FAM107B: variants seen among roughly 807,000 people sequenced by gnomAD.
FAM107B encodes the protein protein FAM107B.
FAM107B carries 21 observed loss-of-function variants against 31.5 expected under a neutral mutation model. The observed-to-expected ratio is 0.67, with a 90% CI of 0.47 to 0.96. The LOEUF is 0.96. Among genes scored for constraint, FAM107B ranks in the 40% least tolerant of loss-of-function variants. The pLI, the probability that FAM107B is intolerant of heterozygous loss-of-function variation, is 0.00. For missense variants in FAM107B, 452 were observed against 377.1 expected (o/e 1.20, Z -1.64); for synonymous variants, 157 against 141.5 (o/e 1.11, Z -0.78).
intron 2 of FAM107B, among the ~76,000 whole-genome samples, chr10:14,660,781 A>G (rs1476795182): frequency 6.6e-6 from 1 of 152,218 alleles, no homozygotes; most frequent in Non-Finnish European, 1.5e-5. Flanking sequence ...CTTTCTTTCT[A>G]AAGTAAAAAG....
Position 14,519,378 on chromosome 10 carries a change from A to G in FAM107B, c.*1812T>C, listed in dbSNP as rs1259237071. 1 of 152,220 alleles carries G rather than the reference A, an allele frequency of 6.6e-6. No homozygotes were observed. Among genetic ancestry groups the G allele is most frequent in the Non-Finnish European group, 1.5e-5 (1 of 68,038 alleles). The allele number at this position is 152,220 out of a possible 1,614,324, so 9.4% of individuals were successfully genotyped here. Reference sequence around the variant, plus strand: ...ATCGCTAGTCCACAGACACAAAGAAAGAATTCCAGTCAACGTGCAATCAGA... The same window carrying G: ...ATCGCTAGTCCACAGACACAAAGAAGGAATTCCAGTCAACGTGCAATCAGA... On this transcript the variant is annotated 3_prime_UTR_variant, in exon 5 of 5. Transcript: ENST00000181796.
At chr10:14,634,399 C>CAAA (rs59139195) in intron 2 of FAM107B, among the ~76,000 whole-genome samples, 1 of 116,622 alleles carries the variant, frequency 8.6e-6, no homozygotes, top group Non-Finnish European at 1.9e-5. Flanking sequence ...GACTCTGTCT[C>CAAA]AAAAAAAAAA....
At chr10:14,737,691 C>T (rs1024400169) in intron 1 of FAM107B, among the ~76,000 whole-genome samples, 2 of 151,866 alleles carry the variant, frequency 1.3e-5, no homozygotes, top group African/African-American at 4.8e-5. Context: ...AAAAACTTAC[C>T]TTCCCCAATC....
At chr10:14,626,951 A>T (rs1030386627) in intron 2 of FAM107B, among the ~76,000 whole-genome samples, 1 of 152,072 alleles carries the variant, frequency 6.6e-6, no homozygotes, top group Non-Finnish European at 1.5e-5. Context: ...TCTGGATTTA[A>T]ATCCTCATTT....
At chr10:14,698,004 A>G (rs1451085799) in intron 1 of FAM107B, among the ~76,000 whole-genome samples, 1 of 152,162 alleles carries the variant, frequency 6.6e-6, no homozygotes, top group African/African-American at 2.4e-5. Context: ...ACGTGCCTGT[A>G]GTCCCAGCTA....
At chr10:14,658,673 T>C (rs1564616804) in intron 2 of FAM107B, among the ~76,000 whole-genome samples, 1 of 152,238 alleles carries the variant, frequency 6.6e-6, no homozygotes, top group Non-Finnish European at 1.5e-5. Context: ...TTCACTTGAT[T>C]TAGCCAAAAG....
rs555361921 is a variant in FAM107B at position 14,537,128 on chromosome 10, G to A, written c.470-6613C>T. On this transcript the variant is annotated intron_variant, in intron 2 of 4. Coordinates refer to ENST00000181796, the MANE Select transcript of FAM107B (RefSeq NM_031453.4). Reference sequence around the variant, plus strand: ...TGGCGACACCTCCTCAACTAATGAGGTGTCCAGACCTGGAATGGCAGGTCC... The same window carrying A: ...TGGCGACACCTCCTCAACTAATGAGATGTCCAGACCTGGAATGGCAGGTCC... 1.1e-3 allele frequency among the ~76,000 whole-genome samples: 174 copies of A among 152,234 alleles called. 3 individuals are homozygous for A. In the South Asian group the frequency reaches 0.035, roughly 31 times the overall value.
intron 2 of FAM107B, among the ~76,000 whole-genome samples, chr10:14,569,374 G>A (rs1850989513): frequency 1.3e-5 from 2 of 152,148 alleles, no homozygotes; most frequent in African/African-American, 4.8e-5. Flanking sequence ...TTGTGTTGTG[G>A]TGAGCTGCAG....
At chr10:14,651,396 G>A (rs1019313346) in intron 2 of FAM107B, among the ~76,000 whole-genome samples, 5 of 152,116 alleles carry the variant, frequency 3.3e-5, no homozygotes, top group South Asian at 4.1e-4. Context: ...ACCTGAGGTC[G>A]GGAGTTCGAG....
intron 1 of FAM107B, among the ~76,000 whole-genome samples, chr10:14,753,073 TA>T (rs1226109353): frequency 6.6e-6 from 1 of 152,228 alleles, no homozygotes; most frequent in Non-Finnish European, 1.5e-5. Context: ...GCTGACCCTC[TA>T]AAGTTTCTAG....
chr10:14,665,994 G>C (rs758182069), intron 2 of FAM107B, among the ~76,000 whole-genome samples: 18 of 152,132 alleles, frequency 1.2e-4, no homozygotes, highest in Non-Finnish European at 2.2e-4. Flanking sequence ...CAGACAGTAA[G>C]AGAGTGTCTT....
intron 2 of FAM107B, among the ~76,000 whole-genome samples, chr10:14,564,696 C>T (rs1399907444): frequency 6.6e-6 from 1 of 152,098 alleles, no homozygotes; most frequent in East Asian, 1.9e-4. Flanking sequence ...AGTTTCCTTC[C>T]ACCTGTTAGT....
chr10:14,668,288 C>T (rs1854459530), intron 1 of FAM107B, among the ~76,000 whole-genome samples: 2 of 152,110 alleles, frequency 1.3e-5, no homozygotes, highest in African/African-American at 4.8e-5. Flanking sequence ...CATGATCTGC[C>T]TGCCTTGGCC....
chr10:14,721,872 G>A (rs1223503073), intron 1 of FAM107B, among the ~76,000 whole-genome samples: 1 of 152,072 alleles, frequency 6.6e-6, no homozygotes, highest in East Asian at 1.9e-4. Flanking sequence ...TGTCTATTTT[G>A]GCTTTTGTTG....
chr10:14,755,944 C>G (rs1408480665), intron 1 of FAM107B, among the ~76,000 whole-genome samples: 1 of 152,182 alleles, frequency 6.6e-6, no homozygotes, highest in East Asian at 1.9e-4. Context: ...GCTTTTCTGA[C>G]TCCAAAACCC....
chr10:14,733,690 T>C (rs948189976), intron 1 of FAM107B, among the ~76,000 whole-genome samples: 4 of 152,260 alleles, frequency 2.6e-5, no homozygotes, highest in African/African-American at 9.6e-5. Context: ...GGAGGCAGGT[T>C]TTATCATTTC....
intron 2 of FAM107B, among the ~76,000 whole-genome samples, chr10:14,548,166 C>T (rs1848885931): frequency 6.6e-6 from 1 of 152,206 alleles, no homozygotes; most frequent in South Asian, 2.1e-4. Context: ...GTTACTATGT[C>T]TCCTACGGGG....
chr10:14,658,809 T>A (rs147893408), intron 2 of FAM107B, among the ~76,000 whole-genome samples: 6 of 152,264 alleles, frequency 3.9e-5, no homozygotes, highest in Non-Finnish European at 5.9e-5. Flanking sequence ...GCATTCATTA[T>A]GTTTGCAGCA....
At chr10:14,564,481 A>G (rs1850497457) in intron 2 of FAM107B, among the ~76,000 whole-genome samples, 1 of 151,794 alleles carries the variant, frequency 6.6e-6, no homozygotes, top group African/African-American at 2.4e-5. Flanking sequence ...ATCTCTCACC[A>G]TGACTACCTC....
Sources: gnomAD v4.1 joint callset for allele counts (sites outside exome capture counted in the v4.1 genomes callset) on GRCh38, gnomAD v4.1.1 for gene constraint, MANE v1.5 for transcripts, NCBI Gene and HGNC (gene_info 2026-07-23, HGNC 2026-07-21) for gene names.